CTNNA3: variants seen among roughly 807,000 people sequenced by gnomAD.
CTNNA3 encodes catenin alpha 3, also known as catenin alpha-3.
In CTNNA3, 76 loss-of-function variants were observed where a neutral mutation model predicts 95.7. That is an observed-to-expected ratio of 0.79 (90% CI 0.66 to 0.96). The LOEUF (loss-of-function observed/expected upper bound fraction) is 0.96. Ranked by LOEUF, CTNNA3 falls within the 40% of genes least tolerant of loss-of-function variation. The probability of loss-of-function intolerance (pLI) is 0.00; values close to 1 mark genes in which losing one functional copy is unlikely to be tolerated. For synonymous variants in CTNNA3, 431 were observed against 374.4 expected, an observed-to-expected ratio of 1.15 and a Z score of -1.74; for missense variants, 1,191 against 1,089.8, an observed-to-expected ratio of 1.09 and a Z score of -1.31.
chr10:67,144,186 C>G (rs568218694), intron 7 of CTNNA3, among the ~76,000 whole-genome samples: 1 of 152,274 alleles, frequency 6.6e-6, no homozygotes, highest in Admixed American at 6.5e-5. Context: ...CAGGTTTCAA[C>G]GTTGGGTTTA....
intron 11 of CTNNA3, among the ~76,000 whole-genome samples, chr10:66,428,117 A>G: frequency 6.6e-6 from 1 of 152,148 alleles, no homozygotes; most frequent in Non-Finnish European, 1.5e-5. Flanking sequence ...TCTCTGATAA[A>G]ACAGACTTTA....
At position 66,903,151 on chromosome 10, in the gene CTNNA3, C is replaced by T. The variant is rs545949004; in HGVS notation, c.1048-127627G>A. Among the ~76,000 whole-genome samples the T allele has an allele frequency of 2.6e-5, 4 of 152,280 alleles. No homozygotes were observed. In the South Asian group the frequency reaches 8.3e-4, roughly 32 times the overall value. On this transcript the variant is annotated intron_variant, in intron 7 of 17. Transcript: ENST00000433211. ...CAATAAAATACTGGCAAACCGAATC[C>T]AGCAGCACATCAAAAAGCTTATCCA...
chr10:66,001,928 T>C (rs2078778036), intron 15 of CTNNA3, among the ~76,000 whole-genome samples: 1 of 152,162 alleles, frequency 6.6e-6, no homozygotes, highest in African/African-American at 2.4e-5. Flanking sequence ...ATAAAATATA[T>C]ACACACATAA....
At chr10:66,069,196 C>T (rs1724419521) in intron 15 of CTNNA3, 112 bp downstream of exon 15, 1 of 978,916 alleles carries the variant, frequency 1.0e-6, no homozygotes, top group African/African-American at 1.6e-5. Context: ...ATTTGCTTTT[C>T]CCCTACCACC....
chr10:66,506,925 T>C (rs911884619), intron 11 of CTNNA3, among the ~76,000 whole-genome samples: 19 of 152,178 alleles, frequency 1.2e-4, no homozygotes, highest in African/African-American at 3.9e-4. Context: ...TTTGCATAGA[T>C]ACATACTATA....
At chr10:66,561,594 C>A (rs981279249) in intron 10 of CTNNA3, among the ~76,000 whole-genome samples, 11 of 151,826 alleles carry the variant, frequency 7.2e-5, no homozygotes, top group African/African-American at 2.4e-4. Context: ...AAAGATGAGA[C>A]CAGGGTTGGA....
chr10:66,143,532 T>G lies in CTNNA3; in HGVS notation c.1885-40283A>C, dbSNP rs576610183. Among the ~76,000 whole-genome samples, 7 of 152,264 alleles carry G rather than the reference T, an allele frequency of 4.6e-5. No homozygotes were observed. The South Asian group carries it at 1.4e-3, about 32-fold the overall frequency. On this transcript the variant is annotated intron_variant, in intron 13 of 17. Coordinates refer to ENST00000433211, the MANE Select transcript of CTNNA3 (RefSeq NM_013266.4). Reference sequence around the variant, plus strand: ...AATCTTGTTTCTACTCACAATTAATTAAGCAAAACTAAAATGTTTAAAGCT... The same window carrying G: ...AATCTTGTTTCTACTCACAATTAATGAAGCAAAACTAAAATGTTTAAAGCT...
chr10:66,755,457 A>G (rs753211698), intron 9 of CTNNA3, among the ~76,000 whole-genome samples: 3 of 152,174 alleles, frequency 2.0e-5, no homozygotes, highest in Non-Finnish European at 4.4e-5. Context: ...TCGATAATAG[A>G]TATCTCAAAA....
rs191242058 is a variant in CTNNA3 at position 67,759,756 on chromosome 10, A to G, written c.-2+3678T>C. Reference sequence around the variant, plus strand: ...GAAGAAGCAAACTACCATGTTGTGGAAACAGCCACACGGCAAGGAAAAAAG... The same window carrying G: ...GAAGAAGCAAACTACCATGTTGTGGGAACAGCCACACGGCAAGGAAAAAAG... On this transcript the variant is annotated intron_variant, in intron 1 of 17. Coordinates refer to the CTNNA3 transcript ENST00000684154. Among the ~76,000 whole-genome samples the G allele has an allele frequency of 2.2e-3, 329 of 152,340 alleles. 3 individuals are homozygous for G. Among genetic ancestry groups the G allele is most frequent in the African/African-American group, 7.6e-3 (314 of 41,578 alleles).
chr10:67,747,262 C>A (rs1841379280), intron 1 of CTNNA3, among the ~76,000 whole-genome samples: 1 of 152,202 alleles, frequency 6.6e-6, no homozygotes, highest in Non-Finnish European at 1.5e-5. Flanking sequence ...GCAGCACACC[C>A]CCTCCACCAA....
intron 7 of CTNNA3, among the ~76,000 whole-genome samples, chr10:66,879,428 A>T (rs970906572): frequency 1.3e-5 from 2 of 152,152 alleles, no homozygotes; most frequent in African/African-American, 4.8e-5. Flanking sequence ...TTTATAAGGA[A>T]CCAAAGTCTA....
At chr10:66,976,863 T>A (rs910666373) in intron 7 of CTNNA3, among the ~76,000 whole-genome samples, 1 of 152,186 alleles carries the variant, frequency 6.6e-6, no homozygotes, top group African/African-American at 2.4e-5. Flanking sequence ...TTTTTGCTCT[T>A]GTTTTTGTCT....
chr10:67,559,860 T>A (rs1291663806), intron 3 of CTNNA3, among the ~76,000 whole-genome samples: 1 of 152,052 alleles, frequency 6.6e-6, no homozygotes, highest in Non-Finnish European at 1.5e-5. Flanking sequence ...CAGGAGCCGA[T>A]GCGATCAACT....
At chr10:66,729,577 T>C (rs10762095) in intron 9 of CTNNA3, among the ~76,000 whole-genome samples, 34,848 of 152,116 alleles carry the variant, frequency 0.23, 5,415 homozygotes, top group East Asian at 0.61. Flanking sequence ...CACTTATAAG[T>C]GGGAGCTAAG....
At chr10:65,926,265 A>T (rs898749389) in intron 17 of CTNNA3, among the ~76,000 whole-genome samples, 4 of 151,734 alleles carry the variant, frequency 2.6e-5, no homozygotes, top group African/African-American at 9.7e-5. Context: ...GAGCTACTTA[A>T]AATATATAAA....
At chr10:66,792,735 A>G (rs1054690848) in intron 7 of CTNNA3, among the ~76,000 whole-genome samples, 1 of 152,214 alleles carries the variant, frequency 6.6e-6, no homozygotes, top group East Asian at 1.9e-4. Flanking sequence ...ATGCTGGAGT[A>G]GTAGCTGTAA....
chr10:65,944,230 C>T (rs1221767933), intron 17 of CTNNA3, among the ~76,000 whole-genome samples: 1 of 152,208 alleles, frequency 6.6e-6, no homozygotes, highest in East Asian at 1.9e-4. Flanking sequence ...GCACAGATCC[C>T]TCAAAGAGAA....
At chr10:66,709,292 C>A (rs896993809) in intron 9 of CTNNA3, among the ~76,000 whole-genome samples, 1 of 151,998 alleles carries the variant, frequency 6.6e-6, no homozygotes, top group Non-Finnish European at 1.5e-5. Context: ...GAAAATGAAT[C>A]CCATCTTCCA....
chr10:67,502,962 T>A (rs539660325), intron 5 of CTNNA3, among the ~76,000 whole-genome samples: 1 of 152,242 alleles, frequency 6.6e-6, no homozygotes, highest in East Asian at 1.9e-4. Flanking sequence ...CAGCCCCCTT[T>A]CCAGGGGAGC....
Sources: gnomAD v4.1 joint callset for allele counts (sites outside exome capture counted in the v4.1 genomes callset) on GRCh38, gnomAD v4.1.1 for gene constraint, MANE v1.5 for transcripts, NCBI Gene and HGNC (gene_info 2026-07-23, HGNC 2026-07-21) for gene names.